The following ASTN1 variants were observed in gnomAD, a reference collection of about 807,000 sequenced individuals.
ASTN1 encodes the protein astrotactin 1.
ASTN1 carries 41 observed loss-of-function variants against 140.7 expected under a neutral mutation model. The observed-to-expected ratio is 0.29, with a 90% CI of 0.23 to 0.38. The LOEUF (loss-of-function observed/expected upper bound fraction) is 0.38. Ranked by LOEUF, ASTN1 falls within the 10% of genes least tolerant of loss-of-function variation. ASTN1 has a pLI of 1.00. For synonymous variants in ASTN1, 640 were observed against 652.2 expected (o/e 0.98, Z 0.29); for missense variants, 1,479 against 1,678.8 (o/e 0.88, Z 2.08).
At chr1:177,149,007 T>C (rs1488426983) in intron 1 of ASTN1, among the ~76,000 whole-genome samples, 1 of 142,486 alleles carries the variant, frequency 7.0e-6, no homozygotes, top group Non-Finnish European at 1.5e-5. Flanking sequence ...AGTAAATATC[T>C]AGAAGAGAGG....
At chr1:177,055,808 GACCATAAAGA>G in intron 2 of ASTN1, among the ~76,000 whole-genome samples, 1 of 152,150 alleles carries the variant, frequency 6.6e-6, no homozygotes, top group Admixed American at 6.5e-5. Context: ...ACTACAAATT[GACCATAAAGA>G]TGCAAAAGTG....
At chr1:176,929,566 C>CT (rs1671115251) in intron 16 of ASTN1, among the ~76,000 whole-genome samples, 1 of 152,132 alleles carries the variant, frequency 6.6e-6, no homozygotes, top group Non-Finnish European at 1.5e-5. Context: ...TAAATATGTG[C>CT]TTTTTTAAGC....
chr1:176,913,245 G>A (rs947368939), intron 16 of ASTN1, among the ~76,000 whole-genome samples: 1 of 152,222 alleles, frequency 6.6e-6, no homozygotes, highest in African/African-American at 2.4e-5. Flanking sequence ...AAGATTACAG[G>A]AGGTGGTGAT....
Position 176,922,899 on chromosome 1 carries a change from T to C in ASTN1, c.2671+11253A>G, listed in dbSNP as rs1296657624. Among the ~76,000 whole-genome samples the C allele has an allele frequency of 2.0e-5, 3 of 152,144 alleles. No homozygotes were observed. In the East Asian group the frequency reaches 5.8e-4, roughly 29 times the overall value. ...TTCATTCAAATAATGCTAATAATAATAGTAATGTAGTAATAATAATATGAG... is the reference window on the plus strand; with the variant it reads ...TTCATTCAAATAATGCTAATAATAACAGTAATGTAGTAATAATAATATGAG... On this transcript the variant is annotated intron_variant, in intron 16 of 22. Coordinates refer to ENST00000361833, the MANE Select transcript of ASTN1 (RefSeq NM_004319.3).
intron 1 of ASTN1, among the ~76,000 whole-genome samples, chr1:177,109,566 T>A (rs545608806): frequency 2.6e-5 from 4 of 152,178 alleles, no homozygotes; most frequent in Non-Finnish European, 5.9e-5. Flanking sequence ...CAGTATATTA[T>A]CTATAAAATT....
intron 8 of ASTN1, among the ~76,000 whole-genome samples, chr1:176,991,864 G>C (rs1178202933): frequency 6.6e-6 from 1 of 152,124 alleles, no homozygotes; most frequent in Non-Finnish European, 1.5e-5. Flanking sequence ...CTTATTGAGG[G>C]CATTAGACAA....
rs552387797 is a variant in ASTN1 at position 176,888,817 on chromosome 1, C to A, written c.2941-613G>T. Among the ~76,000 whole-genome samples the A allele has an allele frequency of 2.0e-5, 3 of 152,318 alleles. No individual in the cohort carries two copies. In the South Asian group the frequency reaches 6.2e-4, roughly 32 times the overall value. ...TGGAGCTGTCAGCCCTGAGTGAGAA[C>A]TCCTGCTTTGCCAATCACTGCCATG... On this transcript the variant is annotated intron_variant, in intron 17 of 22. Coordinates refer to ENST00000361833, the MANE Select transcript of ASTN1 (RefSeq NM_004319.3).
chr1:177,141,886 T>G (rs1163679769), intron 1 of ASTN1, among the ~76,000 whole-genome samples: 1 of 152,234 alleles, frequency 6.6e-6, no homozygotes, highest in Non-Finnish European at 1.5e-5. Context: ...ACTTTCTTAC[T>G]TGACTGGATG....
intron 15 of ASTN1, 94 bp from the exon 16 acceptor site, chr1:176,934,434 G>T: frequency 7.8e-7 from 1 of 1,287,762 alleles, no homozygotes. Flanking sequence ...GGAAGTGCCT[G>T]TGTGGCTCAA....
intron 2 of ASTN1, among the ~76,000 whole-genome samples, chr1:177,049,694 GAGA>G (rs957327703): frequency 3.3e-5 from 5 of 152,318 alleles, no homozygotes; most frequent in South Asian, 2.1e-4. Context: ...CGTCACAAGT[GAGA>G]AGAAGAAGAT....
At chr1:176,951,881 C>A (rs927913595) in intron 11 of ASTN1, among the ~76,000 whole-genome samples, 7 of 152,162 alleles carry the variant, frequency 4.6e-5, no homozygotes, top group Admixed American at 2.6e-4. Context: ...GAATGGTCTA[C>A]ATATGTTATC....
chr1:177,066,877 C>T (rs1486448414), intron 1 of ASTN1, among the ~76,000 whole-genome samples: 3 of 152,126 alleles, frequency 2.0e-5, no homozygotes, highest in Non-Finnish European at 4.4e-5. Context: ...CAGCTGAGTA[C>T]TAATGAGGCT....
intron 1 of ASTN1, among the ~76,000 whole-genome samples, chr1:177,135,179 T>G (rs188443703): frequency 3.5e-4 from 54 of 152,320 alleles, no homozygotes; most frequent in African/African-American, 1.2e-3. Flanking sequence ...CATTAAGCTC[T>G]GTGCATTTCA....
intron 1 of ASTN1, among the ~76,000 whole-genome samples, chr1:177,118,891 G>A (rs533186470): frequency 2.2e-4 from 34 of 152,226 alleles, no homozygotes; most frequent in African/African-American, 7.5e-4. Context: ...AGACTTACTG[G>A]GTGGGAGGCC....
chr1:176,935,172 C>T (rs903375974), intron 15 of ASTN1, among the ~76,000 whole-genome samples: 14 of 152,150 alleles, frequency 9.2e-5, no homozygotes, highest in Non-Finnish European at 1.3e-4. Context: ...TCCTTTTCTA[C>T]GTACCTGTCT....
Position 177,055,311 on chromosome 1 carries a change from CT to C in ASTN1, c.471+5766del, listed in dbSNP as rs1677745438. On this transcript the variant is annotated intron_variant, in intron 2 of 22. Coordinates refer to ENST00000361833, the MANE Select transcript of ASTN1 (RefSeq NM_004319.3). ...AAATGGTGAATGAATTCATGTATAC[CT>C]ATGCCCGACGCATCTTGACAAGAGA... is the stretch of plus-strand genomic sequence containing the variant. Among the ~76,000 whole-genome samples the C allele has an allele frequency of 6.6e-5, 10 of 152,324 alleles. No individual in the cohort carries two copies. In the South Asian group the frequency reaches 2.1e-3, roughly 32 times the overall value.
intron 1 of ASTN1, among the ~76,000 whole-genome samples, chr1:177,150,849 T>C (rs1010086170): frequency 2.0e-5 from 3 of 152,182 alleles, no homozygotes; most frequent in Non-Finnish European, 4.4e-5. Flanking sequence ...CACAGCTATA[T>C]ACATTAACTT....
rs71129589 is a variant in ASTN1 at position 176,922,556 on chromosome 1, C to CAA, written c.2671+11594_2671+11595dup. 6.9e-3 allele frequency among the ~76,000 whole-genome samples: 538 copies of CAA among 77,528 alleles called. 9 individuals are homozygous for CAA. Among genetic ancestry groups the CAA allele is most frequent in the African/African-American group, 0.022 (436 of 19,814 alleles). The allele number at this position is 77,528 out of a possible 152,430, so 50.9% of individuals were successfully genotyped here. Reference sequence around the variant, plus strand: ...ACAGTGTCCACTCCAGCCCCCACTGCAAAAAAAAAAAAAAAAAAAAAAAAA... The same window carrying CAA: ...ACAGTGTCCACTCCAGCCCCCACTGCAAAAAAAAAAAAAAAAAAAAAAAAAAA... On this transcript the variant is annotated intron_variant, in intron 16 of 22. Transcript: ENST00000361833.
At chr1:176,965,105 G>T in intron 9 of ASTN1, 58 bp downstream of exon 9, 1 of 1,519,840 alleles carries the variant, frequency 6.6e-7, no homozygotes, top group Non-Finnish European at 9.1e-7. Context: ...TCAGTTCGGG[G>T]GAAGCGGAAC....
Sources: gnomAD v4.1 joint callset for allele counts (sites outside exome capture counted in the v4.1 genomes callset) on GRCh38, gnomAD v4.1.1 for gene constraint, MANE v1.5 for transcripts, NCBI Gene and HGNC (gene_info 2026-07-23, HGNC 2026-07-21) for gene names.